The following SATL1 variants were observed in gnomAD, a reference collection of about 807,000 sequenced individuals.
SATL1 encodes the protein spermidine/spermine N1-acetyl transferase like 1.
Under a neutral mutation model 51.8 loss-of-function variants are expected in SATL1, and 47 were observed. That is an observed-to-expected ratio of 0.91 (90% CI 0.72 to 1.16). The LOEUF (loss-of-function observed/expected upper bound fraction) is 1.16, where lower values mean the gene tolerates loss of function less well. SATL1 is among the 50% of genes most tolerant of loss of function. The pLI is 0.00. For synonymous variants in SATL1, 176 were observed against 182.4 expected (o/e 0.97, Z 0.28); for missense variants, 520 against 526.4 (o/e 0.99, Z 0.12).
intron 2 of SATL1, among the ~76,000 whole-genome samples, chrX:85,163,060 G>T (rs1193376009): frequency 9.2e-6 from 1 of 108,527 alleles, no homozygotes; most frequent in Non-Finnish European, 1.9e-5. Flanking sequence ...TGGCTTCATA[G>T]AATGATTTAG....
intron 2 of SATL1, among the ~76,000 whole-genome samples, chrX:85,164,403 C>T (rs1926787274): frequency 8.9e-6 from 1 of 111,738 alleles, no homozygotes; most frequent in Non-Finnish European, 1.9e-5. Context: ...TTTAGAACTG[C>T]TTTTAGCAAC....
chrX:85,200,983 G>T (rs1257349603), intron 2 of SATL1, among the ~76,000 whole-genome samples: 1 of 111,080 alleles, frequency 9.0e-6, no homozygotes, highest in Non-Finnish European at 1.9e-5. Context: ...ATTCTCTCAG[G>T]ATTTAAATTC....
chrX:85,149,799 G>C (rs1926371821), intron 2 of SATL1, among the ~76,000 whole-genome samples: 1 of 110,716 alleles, frequency 9.0e-6, no homozygotes, highest in East Asian at 2.8e-4. Context: ...AGAATCTCTG[G>C]GACACATTCA....
intron 2 of SATL1, among the ~76,000 whole-genome samples, chrX:85,191,482 T>TG (rs1927437242): frequency 9.0e-6 from 1 of 111,036 alleles, no homozygotes; most frequent in African/African-American, 3.3e-5. Flanking sequence ...TTGAACAACG[T>TG]GGGGGTTAGG....
At chrX:85,182,960 T>G (rs1927239118) in intron 2 of SATL1, among the ~76,000 whole-genome samples, 1 of 111,757 alleles carries the variant, frequency 8.9e-6, no homozygotes, top group Non-Finnish European at 1.9e-5. Flanking sequence ...GATGCTTGAG[T>G]TCCTTGTGCA....
intron 2 of SATL1, among the ~76,000 whole-genome samples, chrX:85,169,100 C>T (rs1926913263): frequency 8.9e-6 from 1 of 112,256 alleles, no homozygotes; most frequent in South Asian, 3.6e-4. Context: ...CCCACTCTTA[C>T]ACCATACACA....
chrX:85,130,186 T>G (rs1925747429), intron 2 of SATL1, among the ~76,000 whole-genome samples: 1 of 112,114 alleles, frequency 8.9e-6, no homozygotes, highest in Non-Finnish European at 1.9e-5. Flanking sequence ...GGATTCCCTC[T>G]TTTTCTATTG....
At chrX:85,188,899 C>A (rs1277386154) in intron 2 of SATL1, among the ~76,000 whole-genome samples, 1 of 111,493 alleles carries the variant, frequency 9.0e-6, no homozygotes, top group Non-Finnish European at 1.9e-5. Context: ...ACTTCTAGTT[C>A]TCATACTGAA....
chrX:85,119,321 C>T (rs1925454795), intron 2 of SATL1, among the ~76,000 whole-genome samples: 1 of 111,461 alleles, frequency 9.0e-6, no homozygotes, highest in Non-Finnish European at 1.9e-5. Flanking sequence ...GCAACTTTAA[C>T]TAAAGTATTG....
At chrX:85,190,485 T>A (rs1406379562) in intron 2 of SATL1, among the ~76,000 whole-genome samples, 1 of 111,485 alleles carries the variant, frequency 9.0e-6, no homozygotes, top group Admixed American at 9.6e-5. Context: ...GATTAATCAC[T>A]GGCAAATGTG....
intron 2 of SATL1, among the ~76,000 whole-genome samples, chrX:85,119,284 C>T (rs1206237394): frequency 1.8e-5 from 2 of 111,340 alleles, no homozygotes; most frequent in Non-Finnish European, 3.8e-5. Context: ...AATGCACTAC[C>T]GCAAATACAA....
rs145124033 is a variant in SATL1, at chrX:85,132,335, C to T, written c.-312-23055G>A. 5.0e-3 allele frequency among the ~76,000 whole-genome samples: 551 copies of T among 111,209 alleles called. 5 individuals are homozygous for T. Among genetic ancestry groups the T allele is most frequent in the Non-Finnish European group, 8.4e-3 (444 of 53,017 alleles). On this transcript the variant is annotated intron_variant, in intron 2 of 7. Transcript: ENST00000644105. ...TCAATAGTCCCATATTTTTTGGAGG[C>T]TTTGTTCATTTCTTTTTACTCTTTT... is the stretch of plus-strand genomic sequence containing the variant.
At chrX:85,192,757 A>G (rs1296364079) in intron 2 of SATL1, among the ~76,000 whole-genome samples, 1 of 111,863 alleles carries the variant, frequency 8.9e-6, no homozygotes, top group Non-Finnish European at 1.9e-5. Context: ...ATTTAAAGGC[A>G]GAAACTGTGT....
At chrX:85,129,062 G>T (rs1487334311) in intron 2 of SATL1, among the ~76,000 whole-genome samples, 1 of 111,831 alleles carries the variant, frequency 8.9e-6, no homozygotes, top group East Asian at 2.8e-4. Flanking sequence ...TTGTAGTATA[G>T]CTTGAAGTCA....
chrX:85,145,843 T>C (rs1184654519), intron 2 of SATL1, among the ~76,000 whole-genome samples: 1 of 111,662 alleles, frequency 9.0e-6, no homozygotes, highest in African/African-American at 3.3e-5. Flanking sequence ...ACATACTACA[T>C]ACAGTAAGAT....
intron 2 of SATL1, among the ~76,000 whole-genome samples, chrX:85,148,834 A>G (rs1456662907): frequency 8.9e-6 from 1 of 111,750 alleles, no homozygotes; most frequent in African/African-American, 3.3e-5. Flanking sequence ...ATGGAAAGGA[A>G]CAACTGGTAC....
intron 2 of SATL1, among the ~76,000 whole-genome samples, chrX:85,141,523 G>C (rs774305050): frequency 2.7e-5 from 3 of 111,739 alleles, no homozygotes; most frequent in Admixed American, 9.5e-5. Flanking sequence ...TCACCATATG[G>C]TAGGACTTTC....
chrX:85,237,321 A>G (rs1436624332), intron 1 of SATL1, among the ~76,000 whole-genome samples: 2 of 111,598 alleles, frequency 1.8e-5, no homozygotes, highest in African/African-American at 6.5e-5. Flanking sequence ...CAGTAAACAA[A>G]GCAGCATGGT....
intron 2 of SATL1, among the ~76,000 whole-genome samples, chrX:85,199,712 G>A (rs1028542118): frequency 2.7e-5 from 3 of 111,893 alleles, no homozygotes; most frequent in Non-Finnish European, 5.6e-5. Context: ...TCATTCATGA[G>A]AGCTAAAAAT....
Sources: allele counts gnomAD v4.1 joint callset (sites outside exome capture counted in the v4.1 genomes callset), GRCh38; gene constraint gnomAD v4.1.1; transcripts MANE v1.5; gene names NCBI Gene and HGNC (gene_info 2026-07-23, HGNC 2026-07-21).